The following NEK10 variants were observed in gnomAD, a reference collection of about 807,000 sequenced individuals.
NEK10 encodes NIMA related kinase 10.
A neutral mutation model predicts 159.8 loss-of-function variants in NEK10; 122 were observed. The observed-to-expected ratio is 0.76, with a 90% CI of 0.66 to 0.89. NEK10 has a LOEUF of 0.89. NEK10 is among the 40% of genes least tolerant of loss of function. NEK10 has a pLI of 0.00. For synonymous variants in NEK10, 466 were observed against 457.1 expected, an observed-to-expected ratio of 1.02 and a Z score of -0.25; for missense variants, 1,342 against 1,323.1, an observed-to-expected ratio of 1.01 and a Z score of -0.22.
At position 27,346,122 on chromosome 3, in the gene NEK10, T is replaced by C; in HGVS notation, c.227A>G (p.His76Arg). The C allele has an allele frequency of 6.2e-7, 1 of 1,613,756 alleles. No individual in the cohort carries two copies. Among genetic ancestry groups the C allele is most frequent in the Non-Finnish European group, 8.5e-7 (1 of 1,179,712 alleles). ...AGGHRARGQW[H>R]ESTEAVELEN... is the part of the protein sequence containing the mutation. ...AAGTTCAACAGCTTCTGTGGATTCA[T>C]GCCACTGACCCCGAGCTCTGTGTCC... The change falls in exon 4 of 36, where the codon CAT becomes CGT. Residue 76 changes from histidine to arginine, a missense_variant. Coordinates refer to ENST00000691995, the MANE Select transcript of NEK10 (RefSeq NM_001394966.1).
chr3:27,108,663 T>C lies in NEK10; in HGVS notation c.*2609A>G, dbSNP rs1439995493. Among the ~76,000 whole-genome samples, 2 of 152,128 alleles carry C rather than the reference T, an allele frequency of 1.3e-5. No individual in the cohort carries two copies. Among genetic ancestry groups the C allele is most frequent in the African/African-American group, 4.8e-5 (2 of 41,422 alleles). ...ATACAAGAGAAAGGGAAAAAATATA[T>C]AAATGCAATCAAGAAAAGATTAAGA... On this transcript the variant is annotated 3_prime_UTR_variant, in exon 36 of 36. Transcript: ENST00000691995.
chr3:27,115,129 A>T (rs1380219703), intron 35 of NEK10, among the ~76,000 whole-genome samples: 4 of 152,190 alleles, frequency 2.6e-5, no homozygotes, highest in Non-Finnish European at 5.9e-5. Context: ...ACAATGACTG[A>T]TGGAGATTGG....
chr3:27,201,560 T>G lies in NEK10; in HGVS notation c.2241A>C (p.Glu747Asp). 6.2e-7 allele frequency: 1 copy of G among 1,613,846 alleles called. No homozygotes were observed. The highest frequency in any genetic ancestry group is 8.5e-7 in the Non-Finnish European group (1 of 1,179,810). The change falls in exon 25 of 36, where the codon GAA becomes GAC. Residue 747 changes from glutamate to aspartate, a missense_variant. Transcript: ENST00000691995. ...CAGAGTAGATACCTTCTGGGACTGG[T>G]TCATATACCGCCTCCACTATCTGCA... ...LATKIVEAVYEPVPEGIYSEK... is the reference protein window; with the variant it reads ...LATKIVEAVYDPVPEGIYSEK...
intron 23 of NEK10, among the ~76,000 whole-genome samples, chr3:27,222,694 T>C (rs1952242333): frequency 6.6e-6 from 1 of 152,142 alleles, no homozygotes; most frequent in African/African-American, 2.4e-5. Context: ...AGCAGAGAGC[T>C]ATAAAAATAT....
chr3:27,183,852 T>C (rs1475586206), intron 26 of NEK10, among the ~76,000 whole-genome samples: 1 of 152,098 alleles, frequency 6.6e-6, no homozygotes, highest in Non-Finnish European at 1.5e-5. Context: ...CTCAACCTCA[T>C]TGATCATCAG....
In NEK10 at chr3:27,171,855, A is replaced by G. The variant is rs1218914349; in HGVS notation, c.2795T>C (p.Phe932Ser). The change falls in exon 29 of 36, where the codon TTT becomes TCT. Residue 932 changes from phenylalanine to serine, a missense_variant. Physicochemically the swap from Phe to Ser is radical, Grantham distance 155. Coordinates refer to ENST00000691995, the MANE Select transcript of NEK10 (RefSeq NM_001394966.1). ...TTGTCTTTCTCCTCCTGAAGCACTA[A>G]AACTTCTCTTTAAAATGTCTGAGAC... ...ESTFNILKRS[F>S]SASGGERQSQ... is the part of the protein sequence containing the mutation. The G allele has an allele frequency of 6.2e-7, 1 of 1,613,532 alleles. No homozygotes were observed. Among genetic ancestry groups the G allele is most frequent in the Non-Finnish European group, 8.5e-7 (1 of 1,179,784 alleles).
chr3:27,297,234 C>T lies in NEK10; in HGVS notation c.1175G>A (p.Cys392Tyr), dbSNP rs758253651. The T allele has an allele frequency of 1.9e-6, 3 of 1,612,034 alleles. No homozygotes were observed. The highest frequency in any genetic ancestry group is 2.5e-6 in the Non-Finnish European group (3 of 1,178,198). ...GAGCACCAGCTCAGTGAGGGCAGCA[C>T]AGCAGGCTGGAATGACAACAATCAA... ...ENTFSLQAAC[C>Y]AALTELVLND... Residue 392 changes from cysteine (C) to tyrosine (Y), a missense_variant, in exon 14 of 36, where the codon TGT (cysteine) becomes TAT (tyrosine). Transcript: ENST00000691995.
intron 23 of NEK10, among the ~76,000 whole-genome samples, chr3:27,221,735 G>C (rs1038456996): frequency 6.6e-6 from 1 of 152,154 alleles, no homozygotes; most frequent in African/African-American, 2.4e-5. Context: ...CTTCTGGAGG[G>C]ATTTGCAGCC....
chr3:27,247,626 C>T lies in NEK10; in HGVS notation c.2090+8670G>A, dbSNP rs796091754. On this transcript the variant is annotated intron_variant, in intron 23 of 35. Coordinates refer to ENST00000691995, the MANE Select transcript of NEK10 (RefSeq NM_001394966.1). ...TCTCAGCTCACTGCAACCTCCACCT[C>T]CTGGACTAAATCATTCCTCCCGCCT... Among the ~76,000 whole-genome samples, 46 of 152,208 alleles carry T rather than the reference C, an allele frequency of 3.0e-4. 1 individual carries two copies. The highest frequency in any genetic ancestry group is 1.0e-3 in the African/African-American group (43 of 41,538).
At position 27,187,942 on chromosome 3, in the gene NEK10, A is replaced by G. The variant is rs1300942954; in HGVS notation, c.2505+4087T>C. On this transcript the variant is annotated intron_variant, in intron 26 of 35. Coordinates refer to ENST00000691995, the MANE Select transcript of NEK10 (RefSeq NM_001394966.1). ...CTTCCCCAGGCTTTTCAAACTACAC[A>G]TATAAAAATATGCATTGTCAATCAG... is the stretch of plus-strand genomic sequence containing the variant. Among the ~76,000 whole-genome samples the G allele has an allele frequency of 5.9e-5, 9 of 152,294 alleles. No homozygotes were observed. The East Asian group carries it at 1.7e-3, about 29-fold the overall frequency.
At chr3:27,253,701 C>G (rs1955890716) in intron 23 of NEK10, among the ~76,000 whole-genome samples, 1 of 152,168 alleles carries the variant, frequency 6.6e-6, no homozygotes, top group Non-Finnish European at 1.5e-5. Context: ...GGACATCAAA[C>G]TCTGGGGACC....
intron 26 of NEK10, among the ~76,000 whole-genome samples, chr3:27,179,471 GT>G (rs1465949882): frequency 1.3e-5 from 2 of 152,108 alleles, no homozygotes; most frequent in East Asian, 3.8e-4. Context: ...ATTTATTATG[GT>G]TAAAAATGTT....
At chr3:27,213,327 T>G (rs1951183385) in intron 23 of NEK10, among the ~76,000 whole-genome samples, 1 of 152,172 alleles carries the variant, frequency 6.6e-6, no homozygotes, top group Admixed American at 6.5e-5. Context: ...GAGAGGAACT[T>G]TAAGTCACAT....
chr3:27,147,192 G>T (rs1944379383), intron 30 of NEK10, among the ~76,000 whole-genome samples: 1 of 152,194 alleles, frequency 6.6e-6, no homozygotes, highest in South Asian at 2.1e-4. Flanking sequence ...ACGTTGTGGG[G>T]TGAATCAATC....
intron 5 of NEK10, among the ~76,000 whole-genome samples, chr3:27,331,283 T>C (rs1421159017): frequency 3.0e-5 from 4 of 131,630 alleles, no homozygotes; most frequent in African/African-American, 1.1e-4. Context: ...CTAAGACTTT[T>C]GAGGCCTTAA....
chr3:27,329,352 G>A (rs962630316), intron 5 of NEK10, among the ~76,000 whole-genome samples: 3 of 152,132 alleles, frequency 2.0e-5, no homozygotes, highest in African/African-American at 7.2e-5. Context: ...AGTGTACTTA[G>A]AAGGCCCCAT....
At chr3:27,341,088 A>C (rs1411623750) in intron 5 of NEK10, among the ~76,000 whole-genome samples, 2 of 152,208 alleles carry the variant, frequency 1.3e-5, no homozygotes, top group East Asian at 3.8e-4. Context: ...AAGTGAAATA[A>C]CCCAGGCATA....
chr3:27,310,376 T>C (rs2044596126), intron 9 of NEK10: 1 of 152,220 alleles, frequency 6.6e-6, no homozygotes, highest in Non-Finnish European at 1.5e-5. Flanking sequence ...CTCTAGACCA[T>C]GAGCAGCATG....
chr3:27,300,456 T>C (rs1157747627), intron 13 of NEK10, among the ~76,000 whole-genome samples: 1 of 152,098 alleles, frequency 6.6e-6, no homozygotes, highest in African/African-American at 2.4e-5. Context: ...CTGTCTTGGG[T>C]ATGTCTTTAG....
Sources: gnomAD v4.1 joint callset for allele counts (sites outside exome capture counted in the v4.1 genomes callset) on GRCh38, gnomAD v4.1.1 for gene constraint, MANE v1.5 for transcripts, NCBI Gene and HGNC (gene_info 2026-07-23, HGNC 2026-07-21) for gene names.